TPRG1: variants seen among roughly 807,000 people sequenced by gnomAD.
The protein encoded by TPRG1 is tumor protein p63-regulated gene 1 protein.
A neutral mutation model predicts 29.3 loss-of-function variants in TPRG1; 29 were observed. The observed-to-expected ratio is 0.99, with a 90% CI of 0.74 to 1.35. The LOEUF (loss-of-function observed/expected upper bound fraction) is 1.35, where lower values mean the gene tolerates loss of function less well. Ranked by LOEUF, TPRG1 falls within the 40% of genes most tolerant of loss-of-function variation. TPRG1 has a pLI of 0.00. For synonymous variants in TPRG1, 130 were observed against 116.8 expected (o/e 1.11, Z -0.73); for missense variants, 327 against 335.0 (o/e 0.98, Z 0.19).
chr3:189,055,516 G>A (rs1715611031), intron 4 of TPRG1, among the ~76,000 whole-genome samples: 1 of 152,130 alleles, frequency 6.6e-6, no homozygotes, highest in African/African-American at 2.4e-5. Flanking sequence ...CAAGGTGCAG[G>A]GGAGCTAGAA....
rs545576678 is a variant in TPRG1 at position 189,026,858 on chromosome 3, C to T, written c.-463+2912C>T. 8.1e-4 allele frequency among the ~76,000 whole-genome samples: 124 copies of T among 152,218 alleles called. No individual in the cohort carries two copies. In the Middle Eastern group the frequency reaches 0.024, roughly 29 times the overall value. On this transcript the variant is annotated intron_variant, in intron 4 of 10. Coordinates refer to the TPRG1 transcript ENST00000433971. ...AGGAGTAAGATGGAGGCAAGGAGCC[C>T]AGGTAGGAGGCAACATGGCGTGTTT...
chr3:189,242,616 G>C (rs1472683595), intron 4 of TPRG1, among the ~76,000 whole-genome samples: 1 of 151,870 alleles, frequency 6.6e-6, no homozygotes, highest in Non-Finnish European at 1.5e-5. Context: ...TTCATATTTT[G>C]GCTATGCTGC....
chr3:189,282,165 G>A (rs562787625), intron 4 of TPRG1, among the ~76,000 whole-genome samples: 4 of 120,978 alleles, frequency 3.3e-5, no homozygotes, highest in African/African-American at 6.5e-5. Context: ...CAAATAGACC[G>A]AAAAAGTTTC....
chr3:189,118,814 C>A (rs1721487028), intron 1 of TPRG1, among the ~76,000 whole-genome samples: 1 of 152,212 alleles, frequency 6.6e-6, no homozygotes, highest in African/African-American at 2.4e-5. Context: ...ATGGAAATGC[C>A]TGGATGTCTA....
chr3:189,013,749 T>G (rs1560393613), intron 3 of TPRG1, among the ~76,000 whole-genome samples: 2 of 152,178 alleles, frequency 1.3e-5, no homozygotes, highest in Non-Finnish European at 2.9e-5. Context: ...CTATGCTACA[T>G]ATATATGAAC....
chr3:189,306,834 T>A (rs1330259500), intron 4 of TPRG1, among the ~76,000 whole-genome samples: 1 of 130,010 alleles, frequency 7.7e-6, no homozygotes, highest in Non-Finnish European at 1.7e-5. Flanking sequence ...AAAATTATTG[T>A]GACCTACAGA....
chr3:189,181,727 A>G (rs963959343), intron 1 of TPRG1, among the ~76,000 whole-genome samples: 5 of 151,952 alleles, frequency 3.3e-5, no homozygotes, highest in East Asian at 1.9e-4. Flanking sequence ...AACTGTTCCA[A>G]CCTCTGCCTG....
In TPRG1 at chr3:189,258,942, A is replaced by G. The variant is rs1312434749; in HGVS notation, c.479+20033A>G. ...AGTGGATCTTAGCTTGCTGGGCTCC[A>G]TGCGGGTGGGATCCACTGAGGAAGA... On this transcript the variant is annotated intron_variant, in intron 4 of 5. Transcript: ENST00000345063. 2.0e-5 allele frequency among the ~76,000 whole-genome samples: 3 copies of G among 152,160 alleles called. No homozygotes were observed. The East Asian group carries it at 5.8e-4, about 29-fold the overall frequency.
At chr3:189,289,856 C>T (rs963232151) in intron 4 of TPRG1, among the ~76,000 whole-genome samples, 2 of 152,118 alleles carry the variant, frequency 1.3e-5, no homozygotes, top group African/African-American at 4.8e-5. Context: ...AATGGGATTA[C>T]AGAAAATCTC....
At chr3:189,181,840 A>G (rs1006643556) in intron 1 of TPRG1, among the ~76,000 whole-genome samples, 1 of 152,198 alleles carries the variant, frequency 6.6e-6, no homozygotes, top group African/African-American at 2.4e-5. Context: ...CACACTGCTG[A>G]TAAAGACACA....
chr3:189,301,922 C>G (rs16864188), intron 4 of TPRG1, among the ~76,000 whole-genome samples: 8,929 of 152,216 alleles, frequency 0.059, 611 homozygotes, highest in African/African-American at 0.16. Flanking sequence ...ATCACAGCAC[C>G]CTCCCCTGCA....
At chr3:189,136,665 C>T (rs1415467099) in intron 3 of TPRG1, among the ~76,000 whole-genome samples, 1 of 152,148 alleles carries the variant, frequency 6.6e-6, no homozygotes, top group Non-Finnish European at 1.5e-5. Context: ...CTCTGCCCTG[C>T]CTCTCACTCT....
intron 1 of TPRG1, among the ~76,000 whole-genome samples, chr3:189,180,735 C>A (rs1307218018): frequency 6.6e-6 from 1 of 152,138 alleles, no homozygotes; most frequent in Non-Finnish European, 1.5e-5. Flanking sequence ...CAGTGCAAAC[C>A]GTCAGCGCAT....
chr3:189,287,874 G>C (rs1017182832), intron 4 of TPRG1, among the ~76,000 whole-genome samples: 5 of 152,014 alleles, frequency 3.3e-5, no homozygotes, highest in Non-Finnish European at 5.9e-5. Context: ...ATGAAAGAAC[G>C]TTTTAGGTGG....
intron 1 of TPRG1, among the ~76,000 whole-genome samples, chr3:189,192,841 C>T (rs1195074195): frequency 6.6e-6 from 1 of 152,048 alleles, no homozygotes; most frequent in Non-Finnish European, 1.5e-5. Context: ...GCAGGATTTC[C>T]TTGAGCATTT....
chr3:189,028,345 G>A (rs1026335233), intron 4 of TPRG1, among the ~76,000 whole-genome samples: 1 of 152,174 alleles, frequency 6.6e-6, no homozygotes, highest in East Asian at 1.9e-4. Context: ...TGGAGAGAAC[G>A]AATGAAAGGC....
chr3:189,184,451 G>T (rs140623343), intron 1 of TPRG1, among the ~76,000 whole-genome samples: 1,918 of 152,254 alleles, frequency 0.013, 25 homozygotes, highest in Non-Finnish European at 0.017. Context: ...ATTATGTCCA[G>T]ATAAATATAG....
intron 4 of TPRG1, among the ~76,000 whole-genome samples, chr3:189,274,758 T>G (rs1188394567): frequency 6.6e-6 from 1 of 152,218 alleles, no homozygotes; most frequent in Admixed American, 6.5e-5. Context: ...TAGGTATTTC[T>G]TACCAATTTA....
intron 4 of TPRG1, among the ~76,000 whole-genome samples, chr3:189,287,059 G>T (rs1316119807): frequency 6.6e-6 from 1 of 152,014 alleles, no homozygotes; most frequent in Non-Finnish European, 1.5e-5. Flanking sequence ...CCCTCCTTTT[G>T]TCTTTCCATT....
Sources: allele counts gnomAD v4.1 joint callset (sites outside exome capture counted in the v4.1 genomes callset), GRCh38; gene constraint gnomAD v4.1.1; transcripts MANE v1.5; gene names NCBI Gene and HGNC (gene_info 2026-07-23, HGNC 2026-07-21).